Variants in NEK4 observed in about 807,000 individuals in gnomAD.
NEK4 encodes serine/threonine-protein kinase Nek4.
Under a neutral mutation model 98.4 loss-of-function variants are expected in NEK4, and 86 were observed. That is an observed-to-expected ratio of 0.87 (90% CI 0.73 to 1.05). The LOEUF is 1.05. Among genes scored for constraint, NEK4 ranks in the 50% least tolerant of loss-of-function variants. The probability of loss-of-function intolerance (pLI) is 0.00; values close to 1 mark genes in which losing one functional copy is unlikely to be tolerated. For missense variants in NEK4, 898 were observed against 950.3 expected (o/e 0.94, Z 0.72); for synonymous variants, 328 against 342.2 (o/e 0.96, Z 0.46).
rs1230535175 is a variant in NEK4 at position 52,749,786 on chromosome 3, A to T, written c.1412T>A (p.Leu471Ter). ...SPKLECSGTI[L>*]AHSNLRLLGS... ...CAGGAGGCGGAGGTTGCTGTGAGCC[A>T]AGATTGTGCCACTGCACTCCAGCTT... The change falls in exon 8 of 16, where the codon TTG becomes TAG. Residue 471 changes from leucine (L) to a stop codon, truncating the protein, a stop_gained. Transcript: ENST00000233027. LOFTEE classifies it high-confidence loss of function. 1.6e-5 allele frequency: 3 copies of T among 186,574 alleles called. No individual in the cohort carries two copies. The South Asian group carries it at 2.0e-4, about 12-fold the overall frequency. The allele number at this position is 186,574 out of a possible 1,614,324, so 11.6% of individuals were successfully genotyped here. A position where few individuals can be genotyped will look rare whatever the true frequency, so the allele number is the denominator to read the frequency against.
Position 52,711,301 on chromosome 3 carries a change from T to A in NEK4, c.*476A>T, listed in dbSNP as rs984526437. The A allele has an allele frequency of 6.6e-6, 1 of 152,468 alleles. No individual in the cohort carries two copies. The highest frequency in any genetic ancestry group is 1.5e-5 in the Non-Finnish European group (1 of 68,082). 9.4% of individuals were successfully genotyped at this position (152,468 alleles called of 1,614,324 possible). On this transcript the variant is annotated 3_prime_UTR_variant, in exon 16 of 16. Coordinates refer to ENST00000233027, the MANE Select transcript of NEK4 (RefSeq NM_003157.6). ...CTTTAAATCTATTTCTAGAACTGAA[T>A]TGACTTTTTAAAATTTTATAATTTA...
intron 6 of NEK4, among the ~76,000 whole-genome samples, chr3:52,760,550 A>G (rs1698317402): frequency 6.6e-6 from 1 of 152,212 alleles, no homozygotes; most frequent in Non-Finnish European, 1.5e-5. Context: ...TAATTTTGTT[A>G]TATAAATTTC....
chr3:52,745,072 C>T (rs59869286), intron 10 of NEK4, among the ~76,000 whole-genome samples: 3 of 151,768 alleles, frequency 2.0e-5, no homozygotes, highest in African/African-American at 4.8e-5. Flanking sequence ...CCCACCACAA[C>T]GCCCGGCTAA....
intron 15 of NEK4, chr3:52,732,637 TG>T: frequency 3.1e-6 from 1 of 322,340 alleles, no homozygotes; most frequent in South Asian, 3.7e-5. Context: ...TCAGGAGGAG[TG>T]GAAATAACTG....
chr3:52,721,285 A>G (rs1397918900), intron 15 of NEK4, among the ~76,000 whole-genome samples: 1 of 152,226 alleles, frequency 6.6e-6, no homozygotes, highest in African/African-American at 2.4e-5. Context: ...CAGGAAACCA[A>G]TGTTGCAACC....
chr3:52,740,139 G>C (rs1167561432), intron 13 of NEK4, among the ~76,000 whole-genome samples: 1 of 152,162 alleles, frequency 6.6e-6, no homozygotes, highest in African/African-American at 2.4e-5. Flanking sequence ...GTAAAATTCA[G>C]TGTCTAGCAT....
intron 1 of NEK4, among the ~76,000 whole-genome samples, chr3:52,770,248 T>C (rs969348256): frequency 6.6e-6 from 1 of 151,880 alleles, no homozygotes; most frequent in Admixed American, 6.6e-5. Flanking sequence ...GGGCCCTTCA[T>C]TCAAGGAATA....
intron 15 of NEK4, chr3:52,737,366 C>T (rs1448305161): frequency 8.7e-6 from 4 of 459,816 alleles, no homozygotes; most frequent in African/African-American, 7.9e-5. Flanking sequence ...GCAGTGCGGA[C>T]CATGGGGAGT....
chr3:52,753,672 C>T (rs2097409488), intron 6 of NEK4: 1 of 585,414 alleles, frequency 1.7e-6, no homozygotes, highest in South Asian at 1.4e-5. Context: ...TTGCCCATAA[C>T]TAAGCCTACG....
rs1461767986 is a variant in NEK4, at chr3:52,708,648, G to C, written c.*3129C>G. 6.6e-6 allele frequency: 1 copy of C among 151,970 alleles called. No homozygotes were observed. Among genetic ancestry groups the C allele is most frequent in the African/African-American group, 2.4e-5 (1 of 41,366 alleles). The allele number at this position is 151,970 out of a possible 1,614,324, so 9.4% of individuals were successfully genotyped here. On this transcript the variant is annotated 3_prime_UTR_variant, in exon 16 of 16. Transcript: ENST00000233027. ...TTTATCAGATCTTATATAGAACCTT[G>C]AATAAAATTTAATAGACAAGTGATT...
chr3:52,766,727 C>G (rs1325797219), intron 2 of NEK4, among the ~76,000 whole-genome samples: 2 of 152,182 alleles, frequency 1.3e-5, no homozygotes, highest in Non-Finnish European at 2.9e-5. Flanking sequence ...TGGCTCACGC[C>G]TGTAATCCCA....
At chr3:52,721,408 T>C (rs894872047) in intron 15 of NEK4, among the ~76,000 whole-genome samples, 1 of 152,124 alleles carries the variant, frequency 6.6e-6, no homozygotes, top group African/African-American at 2.4e-5. Context: ...TTCCCCCTTT[T>C]GGGGGCCATA....
intron 1 of NEK4, among the ~76,000 whole-genome samples, chr3:52,769,728 T>C (rs932407870): frequency 5.3e-5 from 8 of 152,248 alleles, no homozygotes; most frequent in Non-Finnish European, 2.9e-5. Context: ...CCTACTGTCC[T>C]GGTGTAACTA....
intron 15 of NEK4, chr3:52,733,977 A>T (rs1001748025): frequency 4.5e-6 from 1 of 224,424 alleles, no homozygotes; most frequent in South Asian, 6.6e-5. Flanking sequence ...TTCAGTTTGC[A>T]TTCAAGCCTC....
intron 15 of NEK4, among the ~76,000 whole-genome samples, chr3:52,729,694 CA>C (rs1320671917): frequency 8.4e-6 from 1 of 119,566 alleles, no homozygotes; most frequent in Non-Finnish European, 1.6e-5. Flanking sequence ...GGCGGCTGAG[CA>C]AGACTCTGTG....
chr3:52,723,306 C>T (rs1402381343), intron 15 of NEK4, among the ~76,000 whole-genome samples: 2 of 152,018 alleles, frequency 1.3e-5, no homozygotes, highest in Non-Finnish European at 2.9e-5. Context: ...ATCACCCAGG[C>T]TGAAGGGCAG....
At chr3:52,739,328 G>T in intron 14 of NEK4, 101 bp downstream of exon 14, 3 of 932,882 alleles carry the variant, frequency 3.2e-6, no homozygotes, top group Non-Finnish European at 5.1e-6. Context: ...GAACCCGGGA[G>T]GCAAAGGTTG....
At chr3:52,743,177 T>C in intron 12 of NEK4, 175 bp downstream of exon 12, 1 of 571,226 alleles carries the variant, frequency 1.8e-6, no homozygotes, top group Non-Finnish European at 3.1e-6. Flanking sequence ...CCTTAATGGG[T>C]CAATCATAAT....
intron 8 of NEK4, among the ~76,000 whole-genome samples, 172 bp from the exon 9 acceptor site, chr3:52,747,076 C>A (rs2097397451): frequency 6.6e-6 from 1 of 152,064 alleles, no homozygotes; most frequent in Non-Finnish European, 1.5e-5. Context: ...TCTAAAATGA[C>A]CCATCACAAT....
Sources: allele counts gnomAD v4.1 joint callset (sites outside exome capture counted in the v4.1 genomes callset), GRCh38; gene constraint gnomAD v4.1.1; transcripts MANE v1.5; gene names NCBI Gene and HGNC (gene_info 2026-07-23, HGNC 2026-07-21).